PDE8B: variants seen among roughly 807,000 people sequenced by gnomAD.
PDE8B encodes the protein phosphodiesterase 8B.
Under a neutral mutation model 101.3 loss-of-function variants are expected in PDE8B, and 26 were observed. The observed-to-expected ratio is 0.26, with a 90% confidence interval of 0.19 to 0.36. The LOEUF (loss-of-function observed/expected upper bound fraction) is 0.36, where lower values mean the gene tolerates loss of function less well. Ranked by LOEUF, PDE8B falls within the 10% of genes least tolerant of loss-of-function variation. PDE8B has a pLI of 1.00. For synonymous variants in PDE8B, 424 were observed against 429.3 expected, an observed-to-expected ratio of 0.99 and a Z score of 0.15; for missense variants, 810 against 1,163.1, an observed-to-expected ratio of 0.70 and a Z score of 4.42.
At chr5:77,318,757 A>G (rs1458531694) in intron 2 of PDE8B, among the ~76,000 whole-genome samples, 1 of 152,222 alleles carries the variant, frequency 6.6e-6, no homozygotes, top group Non-Finnish European at 1.5e-5. Flanking sequence ...AGTATTATGC[A>G]GACAGAGCTT....
the PDE8B span, among the ~76,000 whole-genome samples, chr5:77,153,030 G>A: frequency 6.6e-6 from 1 of 152,164 alleles, no homozygotes; most frequent in South Asian, 2.1e-4. Flanking sequence ...CACTTGGAGG[G>A]ATTTTTCATG....
At chr5:77,354,623 A>G (rs1343501424) in intron 10 of PDE8B, among the ~76,000 whole-genome samples, 2 of 152,094 alleles carry the variant, frequency 1.3e-5, no homozygotes, top group Admixed American at 1.3e-4. Flanking sequence ...GCAGACCAAC[A>G]TTTCTTGGCT....
chr5:77,292,342 G>A (rs1322946801), intron 1 of PDE8B, among the ~76,000 whole-genome samples: 1 of 152,132 alleles, frequency 6.6e-6, no homozygotes, highest in Non-Finnish European at 1.5e-5. Flanking sequence ...AAATATCATG[G>A]CAGACATATA....
At chr5:77,254,823 GTAGAGGTGAGAGCTCAC>G (rs1758776719) in intron 1 of PDE8B, among the ~76,000 whole-genome samples, 1 of 152,194 alleles carries the variant, frequency 6.6e-6, no homozygotes, top group African/African-American at 2.4e-5. Flanking sequence ...TTCTGTATAG[GTAGAGGTGAGAGCTCAC>G]TATATTTCTT....
At chr5:77,128,294 C>T in the PDE8B span, among the ~76,000 whole-genome samples, 5 of 152,178 alleles carry the variant, frequency 3.3e-5, no homozygotes, top group African/African-American at 4.8e-5. Context: ...ACGTTCTTCT[C>T]TTACAGTGAC....
rs531310293 is a variant in PDE8B at position 77,375,894 on chromosome 5, T to C, written c.1167+22488T>C. ...CTCACTTTGTGCCTTGATTTCTTTT[T>C]TTTTTTTTTTTTTTTGAGGCGGAGT... On this transcript the variant is annotated intron_variant, in intron 10 of 21. Transcript: ENST00000264917. 6.4e-4 allele frequency among the ~76,000 whole-genome samples: 92 copies of C among 142,966 alleles called. 1 individual carries two copies. Among genetic ancestry groups the C allele is most frequent in the Middle Eastern group, 7.2e-3 (2 of 276 alleles). 93.8% of individuals were successfully genotyped at this position (142,966 alleles called of 152,430 possible). A position where few individuals can be genotyped will look rare whatever the true frequency, so the allele number is the denominator to read the frequency against.
the PDE8B span, among the ~76,000 whole-genome samples, chr5:77,102,927 C>G: frequency 6.6e-6 from 1 of 152,196 alleles, no homozygotes; most frequent in Non-Finnish European, 1.5e-5. Context: ...ACTCACTTGA[C>G]CACGTGGTCA....
intron 2 of PDE8B, among the ~76,000 whole-genome samples, chr5:77,321,600 T>C (rs1000241402): frequency 1.3e-5 from 2 of 152,236 alleles, no homozygotes; most frequent in African/African-American, 4.8e-5. Flanking sequence ...TACTTGGATC[T>C]ACTTCTTTCC....
intron 19 of PDE8B, among the ~76,000 whole-genome samples, chr5:77,421,086 C>G (rs774660727): frequency 1.6e-4 from 25 of 152,298 alleles, no homozygotes; most frequent in Admixed American, 4.6e-4. Flanking sequence ...TGTGTACCAA[C>G]TCGTGTCCTG....
chr5:77,426,605 C>A lies in PDE8B; in HGVS notation c.*51C>A. On this transcript the variant is annotated 3_prime_UTR_variant, in exon 22 of 22. Transcript: ENST00000264917. Reference sequence around the variant, plus strand: ...GACCGACAAAGGACACTGTGAATCACAGTAGCGTAAACGAGAGGCCTTCCT... The same window carrying A: ...GACCGACAAAGGACACTGTGAATCAAAGTAGCGTAAACGAGAGGCCTTCCT... The A allele has an allele frequency of 1.0e-6, 1 of 956,892 alleles. No homozygotes were observed. The highest frequency in any genetic ancestry group is 1.7e-6 in the Non-Finnish European group (1 of 584,806). The allele number at this position is 956,892 out of a possible 1,614,324, so 59.3% of individuals were successfully genotyped here. A position where few individuals can be genotyped will look rare whatever the true frequency, so the allele number is the denominator to read the frequency against.
chr5:77,100,437 G>A, the PDE8B span: 12 of 152,378 alleles, frequency 7.9e-5, no homozygotes, highest in East Asian at 1.9e-4. Context: ...GGAAGGTGGG[G>A]AGGAAATAAA....
chr5:77,395,197 A>G (rs1790745001), intron 10 of PDE8B, among the ~76,000 whole-genome samples: 1 of 151,706 alleles, frequency 6.6e-6, no homozygotes, highest in African/African-American at 2.4e-5. Context: ...GCACACTGCA[A>G]GCTCCGCCTC....
chr5:77,110,702 A>T, the PDE8B span, among the ~76,000 whole-genome samples: 15,694 of 152,258 alleles, frequency 0.1, 859 homozygotes, highest in South Asian at 0.16. Flanking sequence ...ACAGACTGCG[A>T]TGAAGTCAGC....
intron 1 of PDE8B, among the ~76,000 whole-genome samples, chr5:77,299,663 A>G (rs1769465377): frequency 6.6e-6 from 1 of 151,990 alleles, no homozygotes; most frequent in Admixed American, 6.6e-5. Flanking sequence ...TTCTTAATCC[A>G]GTCTATCGTT....
chr5:77,339,463 G>A (rs1377651767), intron 6 of PDE8B, among the ~76,000 whole-genome samples: 1 of 152,082 alleles, frequency 6.6e-6, no homozygotes, highest in Non-Finnish European at 1.5e-5. Context: ...GTGAACATGT[G>A]CATGATTTTA....
At chr5:77,240,014 A>G (rs1314243722) in intron 1 of PDE8B, among the ~76,000 whole-genome samples, 4 of 152,108 alleles carry the variant, frequency 2.6e-5, no homozygotes, top group Admixed American at 2.6e-4. Flanking sequence ...TTCCTTCATC[A>G]GTACTTTTTC....
At chr5:77,180,640 C>A in the PDE8B span, among the ~76,000 whole-genome samples, 7,678 of 152,252 alleles carry the variant, frequency 0.05, 629 homozygotes, top group African/African-American at 0.17. Context: ...CGCCCTTAGT[C>A]CCTGCGTGTC....
rs1402299038 is a variant in PDE8B at position 77,248,489 on chromosome 5, C to T, written c.339+37225C>T. Among the ~76,000 whole-genome samples, 3 of 152,050 alleles carry T rather than the reference C, an allele frequency of 2.0e-5. No homozygotes were observed. In the East Asian group the frequency reaches 5.8e-4, roughly 29 times the overall value. The stretch of plus-strand genomic sequence containing the variant: ...TAATGAGCTTCAGTTTCTTCTGTAT[C>T]CACAACACGGATCATTGGCCTTGGT... On this transcript the variant is annotated intron_variant, in intron 1 of 21. Coordinates refer to ENST00000264917, the MANE Select transcript of PDE8B (RefSeq NM_003719.5).
chr5:77,404,647 A>G (rs1306327342), intron 11 of PDE8B, 73 bp from the exon 12 acceptor site: 2 of 913,318 alleles, frequency 2.2e-6, no homozygotes, highest in Non-Finnish European at 3.7e-6. Flanking sequence ...GAATAAAGAA[A>G]AAACATGTTT....
Sources: allele counts gnomAD v4.1 joint callset (sites outside exome capture counted in the v4.1 genomes callset), GRCh38; gene constraint gnomAD v4.1.1; transcripts MANE v1.5; gene names NCBI Gene and HGNC (gene_info 2026-07-23, HGNC 2026-07-21).